The following LOXHD1 variants were observed in gnomAD, a reference collection of about 807,000 sequenced individuals.
The protein encoded by LOXHD1 is lipoxygenase homology PLAT domains 1.
In LOXHD1, 205 loss-of-function variants were observed where a neutral mutation model predicts 248.2. The ratio of observed to expected loss-of-function variants is 0.83; its 90% confidence interval spans 0.74 to 0.93. The LOEUF is 0.93. LOXHD1 is among the 40% of genes least tolerant of loss of function. The probability of loss-of-function intolerance (pLI) is 0.00; values close to 1 mark genes in which losing one functional copy is unlikely to be tolerated. For missense variants in LOXHD1, 2,930 were observed against 2,971.6 expected (o/e 0.99, Z 0.33); for synonymous variants, 1,113 against 1,162.8 (o/e 0.96, Z 0.87).
At chr18:46,586,173 A>G (rs2038055967) in intron 12 of LOXHD1, among the ~76,000 whole-genome samples, 1 of 152,240 alleles carries the variant, frequency 6.6e-6, no homozygotes, top group African/African-American at 2.4e-5. Flanking sequence ...GTATGACTCT[A>G]TATATGAAAT....
rs1442565423 is a variant in LOXHD1 at position 46,538,122 on chromosome 18, C to A, written c.4095+34G>T. 3.3e-6 allele frequency: 5 copies of A among 1,512,288 alleles called. No homozygotes were observed. In the Admixed American group the frequency reaches 6.0e-5, roughly 18 times the overall value. The allele number at this position is 1,512,288 out of a possible 1,614,324, so 93.7% of individuals were successfully genotyped here. ...TTCTCCTCTCCCTCTGTCTGACCTA[C>A]TCCATCCCTGGACAGCCTGCTGAGC... On this transcript the variant is annotated intron_variant, in intron 26 of 40. Transcript: ENST00000642948.
chr18:46,580,235 C>T (rs564864465), intron 12 of LOXHD1, among the ~76,000 whole-genome samples: 118 of 152,340 alleles, frequency 7.7e-4, no homozygotes, highest in African/African-American at 2.6e-3. Context: ...CTGGTCTAAC[C>T]CAAACATGTT....
intron 15 of LOXHD1, among the ~76,000 whole-genome samples, chr18:46,571,196 C>T (rs187101904): frequency 2.1e-3 from 315 of 152,248 alleles, no homozygotes; most frequent in Non-Finnish European, 3.3e-3. Flanking sequence ...TGCCGGGTGC[C>T]GTGGCTCATG....
rs796115206 is a variant in LOXHD1 at position 46,577,782 on chromosome 18, C to T, written c.1895G>A (p.Gly632Asp). The T allele has an allele frequency of 6.4e-7, 1 of 1,551,566 alleles. No homozygotes were observed. Among genetic ancestry groups the T allele is most frequent in the African/African-American group, 1.4e-5 (1 of 73,026 alleles). ...CACCAGCACTCTGTCCAGGTACCAGCCGCTGCCGGAGCCTTTGCCATCGTG... is the reference window on the plus strand; with the variant it reads ...CACCAGCACTCTGTCCAGGTACCAGTCGCTGCCGGAGCCTTTGCCATCGTG... ...IRHDGKGSGS[G>D]WYLDRVLVRE... Residue 632 changes from glycine to aspartate, a missense_variant, in exon 14 of 41, where the codon GGC becomes GAC. Physicochemically the swap from Gly to Asp is moderately conservative, Grantham distance 94 (BLOSUM62 -1). Transcript: ENST00000642948.
chr18:46,641,803 A>C (rs1011463368), intron 3 of LOXHD1, among the ~76,000 whole-genome samples, 153 bp downstream of exon 3: 1 of 152,212 alleles, frequency 6.6e-6, no homozygotes, highest in African/African-American at 2.4e-5. Flanking sequence ...AGTTTAGGGC[A>C]CTGTGATTCA....
intron 19 of LOXHD1, 98 bp from the exon 20 acceptor site, chr18:46,559,700 A>G: frequency 7.6e-7 from 1 of 1,311,446 alleles, no homozygotes; most frequent in Non-Finnish European, 1.0e-6. Flanking sequence ...CCTAGAACAG[A>G]GGGATCTTCA....
rs921354215 is a variant in LOXHD1 at position 46,624,378 on chromosome 18, C to T, written c.512-6088G>A. ...ATGTTCTCTCCCAGCCAGGGAAGGC[C>T]CCCTCACTACTCAAGCCCACACAGA... On this transcript the variant is annotated intron_variant, in intron 4 of 40. Coordinates refer to ENST00000642948, the MANE Select transcript of LOXHD1 (RefSeq NM_001384474.1). Among the ~76,000 whole-genome samples, 6 of 152,170 alleles carry T rather than the reference C, an allele frequency of 3.9e-5. 1 individual carries two copies. The South Asian group carries it at 1.2e-3, about 32-fold the overall frequency.
intron 31 of LOXHD1, among the ~76,000 whole-genome samples, chr18:46,523,837 C>T (rs1336654330): frequency 1.3e-5 from 2 of 152,040 alleles, no homozygotes; most frequent in East Asian, 3.9e-4. Flanking sequence ...GACTGACTTT[C>T]TCTGCCTGAC....
intron 37 of LOXHD1, among the ~76,000 whole-genome samples, chr18:46,495,867 A>G (rs940761030): frequency 2.6e-5 from 4 of 152,194 alleles, no homozygotes; most frequent in Admixed American, 1.3e-4. Context: ...CCCTGTCTCT[A>G]CTAAAAATAC....
chr18:46,479,361 G>A (rs2032347871), intron 40 of LOXHD1, among the ~76,000 whole-genome samples: 1 of 151,288 alleles, frequency 6.6e-6, no homozygotes, highest in South Asian at 2.1e-4. Flanking sequence ...GAATGGTCTT[G>A]GACCAAGAAG....
intron 37 of LOXHD1, among the ~76,000 whole-genome samples, chr18:46,495,079 C>G (rs1465514996): frequency 6.6e-6 from 1 of 152,056 alleles, no homozygotes; most frequent in Non-Finnish European, 1.5e-5. Context: ...TGGTCTCGAT[C>G]TCCTGACCTC....
chr18:46,592,573 C>G lies in LOXHD1; in HGVS notation c.1443G>C (p.Pro481=). The G allele has an allele frequency of 6.4e-7, 1 of 1,551,474 alleles. No homozygotes were observed. The highest frequency in any genetic ancestry group is 1.2e-5 in the South Asian group (1 of 84,042). The part of the protein sequence containing the change: ...GIIEKFRIEL[P]DLGRFYKIRV... Reference sequence around the variant, plus strand: ...GAATCTTATAAAACCTGCCAAGATCCGGGAGCTCAATCTATGGTGAGAAAT... The same window carrying G: ...GAATCTTATAAAACCTGCCAAGATCGGGGAGCTCAATCTATGGTGAGAAAT... The change falls in exon 11 of 41, where the codon CCG becomes CCC. Residue 481 remains proline (P), a synonymous_variant. Transcript: ENST00000642948.
At chr18:46,487,436 AG>A (rs1427355082) in intron 38 of LOXHD1, among the ~76,000 whole-genome samples, 1 of 152,242 alleles carries the variant, frequency 6.6e-6, no homozygotes, top group Admixed American at 6.5e-5. Flanking sequence ...CAAGAACTAC[AG>A]GGGCATGTGA....
rs1165174688 is a variant in LOXHD1, at chr18:46,601,350, A to G, written c.1001T>C (p.Leu334Pro). The change falls in exon 8 of 41, where the codon CTG becomes CCG. Residue 334 changes from leucine (L) to proline (P), a missense_variant. Physicochemically the swap from Leu to Pro is moderately conservative, Grantham distance 98. Coordinates refer to ENST00000642948, the MANE Select transcript of LOXHD1 (RefSeq NM_001384474.1). The part of the protein sequence containing the change: ...RGNKNSGKIF[L>P]EGGVFDRGRT... ...GCCTCGGTCAAACACGCCGCCCTCC[A>G]GGAAGATTTTCCCACTGTTCTTATT... The G allele has an allele frequency of 1.3e-6, 2 of 1,551,594 alleles. No individual in the cohort carries two copies. Among genetic ancestry groups the G allele is most frequent in the Non-Finnish European group, 1.7e-6 (2 of 1,146,992 alleles).
At chr18:46,579,230 C>T (rs755909566) in intron 13 of LOXHD1, among the ~76,000 whole-genome samples, 24 of 152,324 alleles carry the variant, frequency 1.6e-4, no homozygotes, top group Middle Eastern at 3.4e-3. Flanking sequence ...TTTCCCTCTC[C>T]GCCCACCCCT....
chr18:46,637,832 G>A (rs2038912428), intron 4 of LOXHD1, among the ~76,000 whole-genome samples: 1 of 152,112 alleles, frequency 6.6e-6, no homozygotes, highest in Admixed American at 6.5e-5. Flanking sequence ...CCTATCTAGA[G>A]CAATTCAGAA....
intron 34 of LOXHD1, among the ~76,000 whole-genome samples, chr18:46,513,796 T>C (rs1568120969): frequency 6.6e-6 from 1 of 152,224 alleles, no homozygotes; most frequent in South Asian, 2.1e-4. Flanking sequence ...TATCACCACT[T>C]CAGGAAACTA....
At chr18:46,559,196 C>G in intron 20 of LOXHD1, 1 of 1,460,484 alleles carries the variant, frequency 6.8e-7, no homozygotes, top group Non-Finnish European at 9.1e-7. Context: ...TGCCACTCAA[C>G]GCCATTCTCT....
intron 1 of LOXHD1, among the ~76,000 whole-genome samples, chr18:46,651,558 G>A (rs1473695804): frequency 1.3e-5 from 2 of 152,040 alleles, no homozygotes; most frequent in African/African-American, 4.8e-5. Flanking sequence ...GAGAAAAGGA[G>A]AGGAGCATTG....
Sources: gnomAD v4.1 joint callset for allele counts (sites outside exome capture counted in the v4.1 genomes callset) on GRCh38, gnomAD v4.1.1 for gene constraint, MANE v1.5 for transcripts, NCBI Gene and HGNC (gene_info 2026-07-23, HGNC 2026-07-21) for gene names.